The following SAMD4A variants were observed in gnomAD, a reference collection of about 807,000 sequenced individuals.
The protein encoded by SAMD4A is protein Smaug homolog 1.
Under a neutral mutation model 81.3 loss-of-function variants are expected in SAMD4A, and 33 were observed. That is an observed-to-expected ratio of 0.41 (90% confidence interval 0.31 to 0.54). The LOEUF (loss-of-function observed/expected upper bound fraction) is 0.54, where lower values mean the gene tolerates loss of function less well. Among genes scored for constraint, SAMD4A ranks in the 20% least tolerant of loss-of-function variants. The probability of loss-of-function intolerance (pLI) is 0.37; values close to 1 mark genes in which losing one functional copy is unlikely to be tolerated. For missense variants in SAMD4A, 854 were observed against 951.1 expected (o/e 0.90, Z 1.34); for synonymous variants, 389 against 382.1 (o/e 1.02, Z -0.21).
Position 54,599,642 on chromosome 14 carries a change from C to G in SAMD4A, c.196+31530C>G, listed in dbSNP as rs144575193. 2.2e-3 allele frequency among the ~76,000 whole-genome samples: 330 copies of G among 152,294 alleles called. 1 individual carries two copies. The highest frequency in any genetic ancestry group is 4.8e-3 in the Admixed American group (74 of 15,304). ...AGGTCAATTGACTTGTCTTAATCTT[C>G]TCATCCATTTAGTGGAGACAGCACC... On this transcript the variant is annotated intron_variant, in intron 2 of 12. Transcript: ENST00000554335.
chr14:54,779,187 C>T (rs1257855363), intron 11 of SAMD4A, among the ~76,000 whole-genome samples: 1 of 152,206 alleles, frequency 6.6e-6, no homozygotes, highest in African/African-American at 2.4e-5. Context: ...GCTATGGAGA[C>T]TTCCCGGGGC....
rs61389020 is a variant in SAMD4A at position 54,636,314 on chromosome 14, G to T, written c.197-65748G>T. 9.9e-5 allele frequency among the ~76,000 whole-genome samples: 15 copies of T among 152,282 alleles called. No homozygotes were observed. In the East Asian group the frequency reaches 2.9e-3, roughly 29 times the overall value. ...GTGACTGGAGAGGAGTGATCAAGAGGAAGGGTGGTGGGAGGCGAAACCCCA... is the reference window on the plus strand; with the variant it reads ...GTGACTGGAGAGGAGTGATCAAGAGTAAGGGTGGTGGGAGGCGAAACCCCA... On this transcript the variant is annotated intron_variant, in intron 2 of 12. Transcript: ENST00000554335.
At chr14:54,769,815 G>T (rs950925247) in intron 8 of SAMD4A, among the ~76,000 whole-genome samples, 17 of 152,226 alleles carry the variant, frequency 1.1e-4, no homozygotes, top group African/African-American at 4.1e-4. Context: ...CTGGAGTGGA[G>T]TCAGGAGGGA....
intron 12 of SAMD4A, among the ~76,000 whole-genome samples, chr14:54,788,683 G>A (rs2039201970): frequency 6.6e-6 from 1 of 152,236 alleles, no homozygotes; most frequent in Admixed American, 6.5e-5. Context: ...TACTTGGGAG[G>A]TGAGGATTAG....
chr14:54,697,136 A>G (rs749704965), intron 2 of SAMD4A, among the ~76,000 whole-genome samples: 41 of 152,368 alleles, frequency 2.7e-4, no homozygotes, highest in Admixed American at 7.8e-4. Flanking sequence ...GGACCTAGCC[A>G]GTGTGACCAA....
intron 2 of SAMD4A, among the ~76,000 whole-genome samples, chr14:54,618,778 C>T (rs929458844): frequency 2.6e-5 from 4 of 151,976 alleles, no homozygotes; most frequent in Admixed American, 1.3e-4. Context: ...CTTTTCCTGT[C>T]GTTTGTTTTA....
At chr14:54,699,391 G>T (rs1369285350) in intron 2 of SAMD4A, among the ~76,000 whole-genome samples, 1 of 152,140 alleles carries the variant, frequency 6.6e-6, no homozygotes, top group Non-Finnish European at 1.5e-5. Flanking sequence ...GGGACTTGCT[G>T]AGGTCATCTG....
intron 2 of SAMD4A, among the ~76,000 whole-genome samples, chr14:54,596,256 CAGA>C (rs1335488303): frequency 6.6e-6 from 1 of 152,108 alleles, no homozygotes; most frequent in Non-Finnish European, 1.5e-5. Context: ...GAAATAACAA[CAGA>C]AGAACGCCAT....
In SAMD4A at chr14:54,775,021, C is replaced by T; in HGVS notation, c.1803C>T (p.Ile601=). The T allele has an allele frequency of 6.2e-7, 1 of 1,614,210 alleles. No individual in the cohort carries two copies. The highest frequency in any genetic ancestry group is 2.2e-5 in the East Asian group (1 of 44,870). ...MGRRNPRQYQ[I]PSRNVPSARL... is the part of the protein sequence containing the mutation. The stretch of plus-strand genomic sequence containing the variant: ...GACGGAACCCGCGCCAGTACCAGAT[C>T]CCCTCTCGGAACGTCCCTTCCGCCC... Residue 601 remains isoleucine, a synonymous_variant, in exon 10 of 13, where the codon ATC becomes ATT. Coordinates refer to ENST00000554335, the MANE Select transcript of SAMD4A (RefSeq NM_015589.6).
At chr14:54,664,308 T>TA (rs1434372135) in intron 2 of SAMD4A, among the ~76,000 whole-genome samples, 2 of 152,216 alleles carry the variant, frequency 1.3e-5, no homozygotes, top group African/African-American at 4.8e-5. Context: ...CCTGTACTTC[T>TA]ACCAAGTTTG....
chr14:54,574,986 G>A (rs1357140664), intron 2 of SAMD4A, among the ~76,000 whole-genome samples: 3 of 152,146 alleles, frequency 2.0e-5, no homozygotes, highest in Non-Finnish European at 4.4e-5. Flanking sequence ...AGAAATGAAA[G>A]GTGCAGAAAT....
At chr14:54,596,750 G>A (rs1366350332) in intron 2 of SAMD4A, among the ~76,000 whole-genome samples, 5 of 152,198 alleles carry the variant, frequency 3.3e-5, no homozygotes, top group African/African-American at 9.7e-5. Flanking sequence ...CAATCCCATT[G>A]GAGGACCCAA....
At chr14:54,727,651 G>A (rs1172908382) in intron 3 of SAMD4A, among the ~76,000 whole-genome samples, 1 of 152,134 alleles carries the variant, frequency 6.6e-6, no homozygotes, top group Non-Finnish European at 1.5e-5. Context: ...AAGTGCATGG[G>A]GAGACTTGAA....
At chr14:54,764,024 G>A (rs552096155) in intron 7 of SAMD4A, among the ~76,000 whole-genome samples, 28 of 152,216 alleles carry the variant, frequency 1.8e-4, no homozygotes, top group African/African-American at 6.3e-4. Context: ...AAACACAAAC[G>A]CCGCTGTCTC....
intron 2 of SAMD4A, among the ~76,000 whole-genome samples, chr14:54,605,406 T>C (rs1311317354): frequency 2.0e-5 from 3 of 152,238 alleles, no homozygotes; most frequent in Non-Finnish European, 2.9e-5. Flanking sequence ...TGATGTGAAT[T>C]ATTTGTTGCC....
Position 54,789,078 on chromosome 14 carries a change from T to A in SAMD4A, c.*134T>A. 2.0e-6 allele frequency: 2 copies of A among 978,646 alleles called. No homozygotes were observed. Among genetic ancestry groups the A allele is most frequent in the Non-Finnish European group, 3.2e-6 (2 of 620,598 alleles). 60.6% of individuals were successfully genotyped at this position (978,646 alleles called of 1,614,324 possible). A position where few individuals can be genotyped will look rare whatever the true frequency, so the allele number is the denominator to read the frequency against. ...TTTCCCCCTGGTCCCTCTCCCGTTT[T>A]GATTTTGTGAGAGCGTAGGTCATCC... On this transcript the variant is annotated 3_prime_UTR_variant, in exon 13 of 13. Coordinates refer to ENST00000554335, the MANE Select transcript of SAMD4A (RefSeq NM_015589.6).
chr14:54,669,500 G>GCT (rs2035830579), intron 2 of SAMD4A, among the ~76,000 whole-genome samples: 1 of 144,372 alleles, frequency 6.9e-6, no homozygotes, highest in South Asian at 2.2e-4. Flanking sequence ...TGTTGCCCAG[G>GCT]CTGGCTGGAG....
At chr14:54,599,927 G>A (rs868769734) in intron 2 of SAMD4A, among the ~76,000 whole-genome samples, 8 of 152,038 alleles carry the variant, frequency 5.3e-5, no homozygotes, top group African/African-American at 1.7e-4. Context: ...TAAAAATTTC[G>A]AGAGAGTTTA....
At chr14:54,659,937 C>T (rs780877197) in intron 2 of SAMD4A, among the ~76,000 whole-genome samples, 2 of 152,252 alleles carry the variant, frequency 1.3e-5, no homozygotes, top group Middle Eastern at 3.4e-3. Context: ...TTTGATTAGC[C>T]GAGCATGGTG....
Sources: gnomAD v4.1 joint callset for allele counts (sites outside exome capture counted in the v4.1 genomes callset) on GRCh38, gnomAD v4.1.1 for gene constraint, MANE v1.5 for transcripts, NCBI Gene and HGNC (gene_info 2026-07-23, HGNC 2026-07-21) for gene names.